Variants in WDR27 observed in about 807,000 individuals in gnomAD.
WDR27 encodes WD repeat-containing protein 27.
A neutral mutation model predicts 114.4 loss-of-function variants in WDR27; 100 were observed. The observed-to-expected ratio is 0.87, with a 90% CI of 0.74 to 1.03. The LOEUF is 1.03. Among genes scored for constraint, WDR27 ranks in the 50% least tolerant of loss-of-function variants. WDR27 has a pLI of 0.00. For synonymous variants in WDR27, 449 were observed against 423.1 expected, an observed-to-expected ratio of 1.06 and a Z score of -0.75; for missense variants, 1,129 against 1,092.9, an observed-to-expected ratio of 1.03 and a Z score of -0.47.
chr6:169,571,616 C>G (rs146742380), intron 25 of WDR27, among the ~76,000 whole-genome samples: 266 of 152,300 alleles, frequency 1.7e-3, no homozygotes, highest in African/African-American at 5.9e-3. Flanking sequence ...TCGCTTGAGC[C>G]CAGGAGTTCA....
chr6:169,488,971 C>G (rs1167355069), intron 25 of WDR27, among the ~76,000 whole-genome samples: 1 of 123,656 alleles, frequency 8.1e-6, no homozygotes. Context: ...TTGCATTTCT[C>G]TTAATCAAAT....
chr6:169,521,181 T>C (rs1263178745), intron 25 of WDR27, among the ~76,000 whole-genome samples: 1 of 152,068 alleles, frequency 6.6e-6, no homozygotes, highest in Non-Finnish European at 1.5e-5. Flanking sequence ...CCGATTCATC[T>C]GGCAACAGAC....
intron 25 of WDR27, among the ~76,000 whole-genome samples, chr6:169,565,762 A>ACCT (rs1800361308): frequency 6.6e-6 from 1 of 152,108 alleles, no homozygotes; most frequent in Non-Finnish European, 1.5e-5. Flanking sequence ...TGCAGCATCG[A>ACCT]CCTCCCAGGC....
chr6:169,696,800 G>C (rs1002400097), intron 1 of WDR27, among the ~76,000 whole-genome samples: 1 of 152,204 alleles, frequency 6.6e-6, no homozygotes, highest in Non-Finnish European at 1.5e-5. Flanking sequence ...TGTAGTCCCA[G>C]CTACTTGGAA....
At chr6:169,610,327 C>A (rs1208680148) in intron 22 of WDR27, among the ~76,000 whole-genome samples, 1 of 152,144 alleles carries the variant, frequency 6.6e-6, no homozygotes, top group Non-Finnish European at 1.5e-5. Flanking sequence ...CGAGACTGGG[C>A]AATTTACAGA....
At chr6:169,530,513 C>A (rs942204428) in intron 25 of WDR27, among the ~76,000 whole-genome samples, 5 of 152,236 alleles carry the variant, frequency 3.3e-5, no homozygotes, top group Admixed American at 2.0e-4. Flanking sequence ...CCTCAGTATG[C>A]ATGACTGTGT....
At chr6:169,698,559 T>C (rs1283868938) in intron 1 of WDR27, among the ~76,000 whole-genome samples, 4 of 152,242 alleles carry the variant, frequency 2.6e-5, no homozygotes, top group Admixed American at 2.6e-4. Flanking sequence ...GTTAAAATAT[T>C]CATTTTTCTA....
chr6:169,669,965 T>C (rs1327161639), intron 4 of WDR27: 2 of 152,060 alleles, frequency 1.3e-5, no homozygotes, highest in Non-Finnish European at 2.9e-5. Flanking sequence ...TTGTGAGCCA[T>C]GTTGACAAAA....
chr6:169,429,379 A>G, the WDR27 span, among the ~76,000 whole-genome samples: 1 of 149,922 alleles, frequency 6.7e-6, no homozygotes, highest in Non-Finnish European at 1.5e-5. Flanking sequence ...TTGCACAGGC[A>G]TTTGTGAAAA....
At chr6:169,638,781 G>A (rs1161550879) in intron 17 of WDR27, 121 bp from the exon 18 acceptor site, 6 of 1,284,438 alleles carry the variant, frequency 4.7e-6, no homozygotes, top group Non-Finnish European at 6.4e-6. Flanking sequence ...GTAATTAGGG[G>A]CGCGCCAGGA....
chr6:169,467,964 T>C (rs1467005752), intron 25 of WDR27, among the ~76,000 whole-genome samples: 1 of 152,240 alleles, frequency 6.6e-6, no homozygotes, highest in African/African-American at 2.4e-5. Context: ...TTTAAGAGCA[T>C]CCAAGTCGCA....
At chr6:169,633,256 G>A (rs911214865) in intron 20 of WDR27, among the ~76,000 whole-genome samples, 188 bp from the exon 21 acceptor site, 1 of 152,216 alleles carries the variant, frequency 6.6e-6, no homozygotes, top group Non-Finnish European at 1.5e-5. Flanking sequence ...CTGACTCCAG[G>A]TGTTGGCAAG....
At chr6:169,446,106 G>A in the WDR27 span, among the ~76,000 whole-genome samples, 5 of 152,260 alleles carry the variant, frequency 3.3e-5, no homozygotes, top group South Asian at 6.2e-4. Context: ...TCTGAGCTCC[G>A]GCCCGGACGG....
chr6:169,566,084 GTAT>G (rs1324816759), intron 25 of WDR27, among the ~76,000 whole-genome samples: 4 of 131,256 alleles, frequency 3.0e-5, no homozygotes, highest in Admixed American at 2.2e-4. Flanking sequence ...ATTTTGTAAT[GTAT>G]TGTTACTCGT....
At chr6:169,646,913 G>A (rs1225633714) in intron 16 of WDR27, among the ~76,000 whole-genome samples, 1 of 152,076 alleles carries the variant, frequency 6.6e-6, no homozygotes, top group African/African-American at 2.4e-5. Flanking sequence ...AACTTCTTTG[G>A]CTACAATTAT....
intron 25 of WDR27, among the ~76,000 whole-genome samples, chr6:169,462,907 A>T (rs1260044392): frequency 6.6e-6 from 1 of 152,224 alleles, no homozygotes; most frequent in Admixed American, 6.5e-5. Context: ...TGACAAATTC[A>T]ACACATTTTC....
chr6:169,456,154 A>G (rs1784337490), downstream of WDR27, among the ~76,000 whole-genome samples: 1 of 152,230 alleles, frequency 6.6e-6, no homozygotes, highest in African/African-American at 2.4e-5. This position sits in a 1 kb window ranked among gnomAD's most constrained non-coding sequence, Gnocchi z 4.0. Flanking sequence ...GGGAAACAAT[A>G]TATTTTAAAA....
intron 21 of WDR27, among the ~76,000 whole-genome samples, chr6:169,624,904 G>T (rs183928847): frequency 2.6e-5 from 4 of 152,332 alleles, no homozygotes; most frequent in African/African-American, 9.6e-5. Context: ...AGAGCATGGA[G>T]AGTACAAGAG....
chr6:169,666,828 G>A (rs1585035295), intron 6 of WDR27: 1 of 985,486 alleles, frequency 1.0e-6, no homozygotes, highest in Non-Finnish European at 1.2e-6. Flanking sequence ...TGTTTCTACA[G>A]AGAGCAGAAG....
Sources: allele counts gnomAD v4.1 joint callset (sites outside exome capture counted in the v4.1 genomes callset), GRCh38; gene constraint gnomAD v4.1.1; non-coding constraint Gnocchi (gnomAD v3.1); transcripts MANE v1.5; gene names NCBI Gene and HGNC (gene_info 2026-07-23, HGNC 2026-07-21).